Variants in GIGYF1 observed in about 807,000 individuals in gnomAD.
GIGYF1 encodes GRB10 interacting GYF protein 1.
A neutral mutation model predicts 147.1 loss-of-function variants in GIGYF1; 84 were observed. That is an observed-to-expected ratio of 0.57 (90% CI 0.48 to 0.68). The LOEUF (loss-of-function observed/expected upper bound fraction) is 0.68. Ranked by LOEUF, GIGYF1 falls within the 30% of genes least tolerant of loss-of-function variation. GIGYF1 has a pLI of 0.00. For synonymous variants in GIGYF1, 752 were observed against 589.5 expected (o/e 1.28, Z -3.99); for missense variants, 1,485 against 1,393.7 (o/e 1.07, Z -1.04).
chr7:100,683,986 CCCTGTAT>C (rs1562873646), intron 18 of GIGYF1, 27 bp downstream of exon 18: 1 of 1,588,654 alleles, frequency 6.3e-7, no homozygotes, highest in Non-Finnish European at 8.5e-7. Flanking sequence ...CCCCCCCCCA[CCCTGTAT>C]CCTGAGGGCT....
At chr7:100,692,174 T>C (rs1449352059) in intron 1 of GIGYF1, among the ~76,000 whole-genome samples, 1 of 152,120 alleles carries the variant, frequency 6.6e-6, no homozygotes, top group Non-Finnish European at 1.5e-5. Context: ...CGTGGTAGGG[T>C]GAGGACGCTG....
rs777161638 is a variant in GIGYF1 at position 100,682,084 on chromosome 7, C to T, written c.2913G>A (p.Arg971=). ...RRAKQKASQQ[R]QQQQEAWLSS... ...CCGGCTGCCTCACCTGCTGCTGCTG[C>T]CGCTGCTGGCTGGCTTTCTGCTTGG... Residue 971 remains arginine, a synonymous_variant, in exon 25 of 27, where the codon CGG becomes CGA. Coordinates refer to ENST00000678049, the MANE Select transcript of GIGYF1 (RefSeq NM_001375765.1). 1 of 1,613,156 alleles carries T rather than the reference C, an allele frequency of 6.2e-7. No individual in the cohort carries two copies. Among genetic ancestry groups the T allele is most frequent in the Non-Finnish European group, 8.5e-7 (1 of 1,179,754 alleles).
chr7:100,683,784 T>C, intron 19 of GIGYF1, 34 bp downstream of exon 19: 1 of 1,577,318 alleles, frequency 6.3e-7, no homozygotes, highest in Non-Finnish European at 8.6e-7. Context: ...ACCCGGAGAC[T>C]GCCTTGGGGG....
Position 100,683,129 on chromosome 7 carries a change from G to A in GIGYF1, c.2295C>T (p.Ala765=). Residue 765 remains alanine, a synonymous_variant, in exon 22 of 27, where the codon GCC becomes GCT. Transcript: ENST00000678049. The part of the protein sequence containing the change: ...SSPPPLWAGL[A]KQGLSMKTLL... ...GCGTCTTCATGGACAGCCCCTGCTT[G>A]GCCAGGCCAGCCCAGAGTGGGGGCG... 6.3e-7 allele frequency: 1 copy of A among 1,595,054 alleles called. No individual in the cohort carries two copies. The highest frequency in any genetic ancestry group is 8.5e-7 in the Non-Finnish European group (1 of 1,175,094).
rs1021744040 is a variant in GIGYF1 at position 100,686,693 on chromosome 7, G to C, written c.650C>G (p.Ala217Gly). The change falls in exon 10 of 27, where the codon GCA (alanine) becomes GGA (glycine). Residue 217 changes from alanine to glycine, a missense_variant. Coordinates refer to ENST00000678049, the MANE Select transcript of GIGYF1 (RefSeq NM_001375765.1). ...GCGGTCGCCGTCTCGCCGGGGCCCT[G>C]CTCCGAGCCTCCAGCTGCCCTCCTC... ...EEEEGSWRLGAGPRRDGDRWR... is the reference protein window; with the variant it reads ...EEEEGSWRLGGGPRRDGDRWR... 6.2e-7 allele frequency: 1 copy of C among 1,613,096 alleles called. No individual in the cohort carries two copies. The highest frequency in any genetic ancestry group is 8.5e-7 in the Non-Finnish European group (1 of 1,179,828).
intron 12 of GIGYF1, 143 bp downstream of exon 12, chr7:100,685,831 T>C: frequency 3.0e-6 from 2 of 667,382 alleles, no homozygotes; most frequent in South Asian, 3.7e-5. Flanking sequence ...TACCCCCTGG[T>C]TCCTCCCCAC....
In GIGYF1 at chr7:100,686,648, C is replaced by T; in HGVS notation, c.694+1G>A. The stretch of plus-strand genomic sequence containing the variant: ...CCAATGCTACCAGGCCCCAATCTCA[C>T]CAGGGCTGGCGGAGCGCCAGCGGTC... On this transcript the variant is annotated splice_donor_variant, in intron 10 of 26. Coordinates refer to ENST00000678049, the MANE Select transcript of GIGYF1 (RefSeq NM_001375765.1). LOFTEE classifies it high-confidence loss of function. The T allele has an allele frequency of 6.2e-7, 1 of 1,610,098 alleles. No homozygotes were observed. The highest frequency in any genetic ancestry group is 8.5e-7 in the Non-Finnish European group (1 of 1,178,824).
Position 100,681,595 on chromosome 7 carries a change from G to T in GIGYF1, c.*124C>A. 1 of 791,810 alleles carries T rather than the reference G, an allele frequency of 1.3e-6. No homozygotes were observed. The highest frequency in any genetic ancestry group is 1.9e-6 in the Non-Finnish European group (1 of 526,324). The allele number at this position is 791,810 out of a possible 1,614,324, so 49.0% of individuals were successfully genotyped here. A position where few individuals can be genotyped will look rare whatever the true frequency, so the allele number is the denominator to read the frequency against. On this transcript the variant is annotated 3_prime_UTR_variant, in exon 27 of 27. Transcript: ENST00000678049. ...AAGGTGCATCGTGTGTTTGTAACAA[G>T]TGCTGGGGACCCCGCCCCTGCCTCT...
chr7:100,680,318 C>T lies in GIGYF1; in HGVS notation c.*1401G>A, dbSNP rs1212125260. 6.6e-6 allele frequency: 1 copy of T among 152,624 alleles called. No individual in the cohort carries two copies. Among genetic ancestry groups the T allele is most frequent in the Non-Finnish European group, 1.5e-5 (1 of 68,090 alleles). 9.5% of individuals were successfully genotyped at this position (152,624 alleles called of 1,614,324 possible). On this transcript the variant is annotated 3_prime_UTR_variant, in exon 27 of 27. Transcript: ENST00000678049. ...AGGGAGGCAGTGGCGAAGCCTTGCC[C>T]TAATACTGCACTCTGAGCAATGAGG...
In GIGYF1 at chr7:100,684,634, G is replaced by C. The variant is rs762061189; in HGVS notation, c.1463-18C>G. 1 of 1,613,838 alleles carries C rather than the reference G, an allele frequency of 6.2e-7. No homozygotes were observed. The highest frequency in any genetic ancestry group is 8.5e-7 in the Non-Finnish European group (1 of 1,179,930). ...GAAGGGGCCTGGACAGGGAGCGAGGGAGCGGGAGAACCACTGGGGTCACAG... is the reference window on the plus strand; with the variant it reads ...GAAGGGGCCTGGACAGGGAGCGAGGCAGCGGGAGAACCACTGGGGTCACAG... On this transcript the variant is annotated intron_variant, in intron 15 of 26. Transcript: ENST00000678049.
chr7:100,686,996 A>G lies in GIGYF1; in HGVS notation c.523+10T>C. 6.2e-7 allele frequency: 1 copy of G among 1,613,852 alleles called. No individual in the cohort carries two copies. The highest frequency in any genetic ancestry group is 8.5e-7 in the Non-Finnish European group (1 of 1,179,948). ...TGCCGCCCCGGCCGCCGCCCTCAGC[A>G]GCCTCGTACCTCCATCCCGCCTTGC... is the stretch of plus-strand genomic sequence containing the variant. On this transcript the variant is annotated intron_variant, in intron 9 of 26. Coordinates refer to ENST00000678049, the MANE Select transcript of GIGYF1 (RefSeq NM_001375765.1).
At chr7:100,690,933 T>C (rs979370895) in intron 1 of GIGYF1, among the ~76,000 whole-genome samples, 74 of 151,844 alleles carry the variant, frequency 4.9e-4, no homozygotes, top group African/African-American at 1.8e-3. Context: ...GAATGGTTCA[T>C]GCAGACTGAG....
In GIGYF1 at chr7:100,683,536, G is replaced by A. The variant is rs767166835; in HGVS notation, c.2052+14C>T. 10 of 1,613,792 alleles carry A rather than the reference G, an allele frequency of 6.2e-6. No homozygotes were observed. The African/African-American group carries it at 6.7e-5, about 11-fold the overall frequency. On this transcript the variant is annotated intron_variant, in intron 20 of 26. Transcript: ENST00000678049. ...CTTCATTCCCAGGGCCTCAGCCCCA[G>A]GATGCCCACTCACTTTATGTTGCAG...
chr7:100,693,641 G>A (rs552833461), intron 1 of GIGYF1, among the ~76,000 whole-genome samples: 3 of 152,276 alleles, frequency 2.0e-5, no homozygotes, highest in South Asian at 4.1e-4. Flanking sequence ...GAGAACTCCG[G>A]GAAGCGCGGG....
At chr7:100,693,000 G>A (rs776979325) in intron 1 of GIGYF1, among the ~76,000 whole-genome samples, 2 of 152,172 alleles carry the variant, frequency 1.3e-5, no homozygotes, top group East Asian at 3.8e-4. Flanking sequence ...CATGCCAAAG[G>A]CGAGGGGTTG....
At position 100,683,362 on chromosome 7, in the gene GIGYF1, T is replaced by G; in HGVS notation, c.2135A>C (p.Gln712Pro). The G allele has an allele frequency of 6.2e-7, 1 of 1,613,770 alleles. No homozygotes were observed. The highest frequency in any genetic ancestry group is 1.3e-5 in the African/African-American group (1 of 75,074). ...RKRREEKRRQ[Q>P]QQEEQKRRQE... Reference sequence around the variant, plus strand: ...CCGCCGCTTCTGCTCCTCCTGCTGCTGCTGGCGGCGCTTCTCCTCTCGACG... The same window carrying G: ...CCGCCGCTTCTGCTCCTCCTGCTGCGGCTGGCGGCGCTTCTCCTCTCGACG... The change falls in exon 21 of 27, where the codon CAG becomes CCG. Residue 712 changes from glutamine to proline, a missense_variant. Coordinates refer to ENST00000678049, the MANE Select transcript of GIGYF1 (RefSeq NM_001375765.1).
rs987309550 is a variant in GIGYF1, at chr7:100,681,156, G to C, written c.*563C>G. On this transcript the variant is annotated 3_prime_UTR_variant, in exon 27 of 27. Transcript: ENST00000678049. ...TGCTCACAACAGGTCTGGCGGGTGG[G>C]GCTCAGACAGGCCTCCTGTGCAAAC... is the stretch of plus-strand genomic sequence containing the variant. 1 of 152,666 alleles carries C rather than the reference G, an allele frequency of 6.6e-6. No individual in the cohort carries two copies. The highest frequency in any genetic ancestry group is 1.5e-5 in the Non-Finnish European group (1 of 68,092). 9.5% of individuals were successfully genotyped at this position (152,666 alleles called of 1,614,324 possible).
At chr7:100,685,275 C>T in intron 13 of GIGYF1, 69 bp downstream of exon 13, 1 of 1,539,000 alleles carries the variant, frequency 6.5e-7, no homozygotes, top group South Asian at 1.3e-5. Context: ...GTGCCCACCC[C>T]CACGAGTGGG....
rs1203591619 is a variant in GIGYF1, at chr7:100,682,628, GCCACGGA to G, written c.2555_2561del (p.Val852AlafsTer4). ...TGCTCCGGCTGTTCTTCAGGCCGAG[GCCACGGA>G]CCAGGCTCCCGCCGCTCTTGGGGGT... On this transcript the variant is annotated frameshift_variant, in exon 23 of 27. Coordinates refer to ENST00000678049, the MANE Select transcript of GIGYF1 (RefSeq NM_001375765.1). LOFTEE classifies it high-confidence loss of function. The G allele has an allele frequency of 6.3e-7, 1 of 1,598,094 alleles. No homozygotes were observed. The highest frequency in any genetic ancestry group is 8.5e-7 in the Non-Finnish European group (1 of 1,175,174).
Sources: allele counts gnomAD v4.1 joint callset (sites outside exome capture counted in the v4.1 genomes callset), GRCh38; gene constraint gnomAD v4.1.1; transcripts MANE v1.5; gene names NCBI Gene and HGNC (gene_info 2026-07-23, HGNC 2026-07-21).